PSAP: variants seen among roughly 807,000 people sequenced by gnomAD.
PSAP encodes the protein prosaposin.
In PSAP, 25 loss-of-function variants were observed where a neutral mutation model predicts 66.0. The observed-to-expected ratio is 0.38, with a 90% CI of 0.28 to 0.53. The LOEUF (loss-of-function observed/expected upper bound fraction) is 0.53, where lower values mean the gene tolerates loss of function less well. Among genes scored for constraint, PSAP ranks in the 20% least tolerant of loss-of-function variants. PSAP has a pLI of 0.83. For synonymous variants in PSAP, 273 were observed against 258.9 expected (o/e 1.05, Z -0.52); for missense variants, 649 against 668.8 (o/e 0.97, Z 0.33).
At chr10:71,850,348 C>A (rs375735833) in intron 1 of PSAP, among the ~76,000 whole-genome samples, 2 of 152,342 alleles carry the variant, frequency 1.3e-5, no homozygotes, top group South Asian at 2.1e-4. Context: ...TGAATACTTT[C>A]TTTCTATTGA....
chr10:71,851,031 G>T, intron 1 of PSAP, 151 bp downstream of exon 1: 1 of 925,148 alleles, frequency 1.1e-6, no homozygotes. Context: ...GAGAAAGCCA[G>T]AGAAAGCCAG....
intron 13 of PSAP, among the ~76,000 whole-genome samples, 184 bp downstream of exon 13, chr10:71,818,433 T>G (rs999105772): frequency 5.9e-5 from 9 of 151,644 alleles, no homozygotes; most frequent in African/African-American, 1.9e-4. Flanking sequence ...ACTACAAGAG[T>G]GTAGTTCACC....
At position 71,819,483 on chromosome 10, in the gene PSAP, T is replaced by C; in HGVS notation, c.1332A>G (p.Pro444=). ...GGCGTACCTGCTTCTGGTAAGGGTC[T>C]GGCAGGAAGCTGCAGCCTTTCTCAA... The part of the protein sequence containing the change: ...AALEKGCSFL[P]DPYQKQCDQF... The change falls in exon 11 of 14, where the codon CCA becomes CCG. Residue 444 remains proline (P), a synonymous_variant. Coordinates refer to ENST00000394936, the MANE Select transcript of PSAP (RefSeq NM_002778.4). The C allele has an allele frequency of 6.2e-7, 1 of 1,614,240 alleles. No homozygotes were observed. The highest frequency in any genetic ancestry group is 8.5e-7 in the Non-Finnish European group (1 of 1,180,050).
rs1842762741 is a variant in PSAP, at chr10:71,843,354, A to G, written c.40+7828T>C. Among the ~76,000 whole-genome samples the G allele has an allele frequency of 4.6e-5, 7 of 152,260 alleles. No individual in the cohort carries two copies. In the South Asian group the frequency reaches 1.5e-3, roughly 32 times the overall value. On this transcript the variant is annotated intron_variant, in intron 1 of 13. Coordinates refer to ENST00000394936, the MANE Select transcript of PSAP (RefSeq NM_002778.4). ...CACCAGGTGACAGGCGACCTTGCGG[A>G]CACACTTGAGTTTTATTCCTAGTGC...
At chr10:71,822,218 A>C (rs1410577679) in intron 7 of PSAP, 2 of 631,152 alleles carry the variant, frequency 3.2e-6, no homozygotes, top group Admixed American at 4.9e-5. Flanking sequence ...CATCTCGGGG[A>C]GGAGACCACA....
chr10:71,829,912 C>T (rs1842477399), intron 4 of PSAP, among the ~76,000 whole-genome samples: 1 of 152,062 alleles, frequency 6.6e-6, no homozygotes, highest in South Asian at 2.1e-4. Context: ...ATGGGAGAAT[C>T]ACTTGAACCC....
chr10:71,846,984 A>G (rs1842836024), intron 1 of PSAP, among the ~76,000 whole-genome samples: 1 of 152,138 alleles, frequency 6.6e-6, no homozygotes, highest in South Asian at 2.1e-4. Context: ...ATGCCTCATT[A>G]GGTGCTGTTC....
chr10:71,843,211 A>G (rs190350212), intron 1 of PSAP, among the ~76,000 whole-genome samples: 34 of 152,154 alleles, frequency 2.2e-4, no homozygotes, highest in Non-Finnish European at 4.0e-4. Flanking sequence ...AGGGAGGAAG[A>G]TGTTCCAGAG....
At chr10:71,849,565 C>T (rs972099883) in intron 1 of PSAP, among the ~76,000 whole-genome samples, 1 of 152,024 alleles carries the variant, frequency 6.6e-6, no homozygotes, top group Non-Finnish European at 1.5e-5. Context: ...TACGCCATTG[C>T]ACCACTCCGG....
chr10:71,839,990 C>G (rs1274653894), intron 1 of PSAP, among the ~76,000 whole-genome samples: 1 of 152,134 alleles, frequency 6.6e-6, no homozygotes, highest in South Asian at 2.1e-4. Context: ...CCTGGCTTAC[C>G]CCAGTGAGGA....
At chr10:71,817,609 G>A in intron 13 of PSAP, 133 bp from the exon 14 acceptor site, 1 of 852,984 alleles carries the variant, frequency 1.2e-6, no homozygotes, top group South Asian at 1.3e-5. Context: ...ACCAGATGCT[G>A]AAGACCCAGG....
At chr10:71,851,132 A>T in intron 1 of PSAP, 50 bp downstream of exon 1, 4 of 1,546,642 alleles carry the variant, frequency 2.6e-6, no homozygotes, top group Non-Finnish European at 3.5e-6. Flanking sequence ...TCTGGGGCAG[A>T]TGGACGCTGC....
Position 71,828,089 on chromosome 10 carries a change from G to A in PSAP, c.645C>T (p.Asn215=). The change falls in exon 6 of 14, where the codon AAC becomes AAT. Residue 215 remains asparagine (N), a synonymous_variant. Coordinates refer to ENST00000394936, the MANE Select transcript of PSAP (RefSeq NM_002778.4). ...VTDIQTAVRT[N]STFVQALVEH... The stretch of plus-strand genomic sequence containing the variant: ...CCACCAAGGCCTGGACAAAGGTGGA[G>A]TTGGTCCGTACAGCAGTCTGGATGT... 6.2e-7 allele frequency: 1 copy of A among 1,614,202 alleles called. No homozygotes were observed. The highest frequency in any genetic ancestry group is 8.5e-7 in the Non-Finnish European group (1 of 1,180,040).
At chr10:71,847,653 A>G (rs1444970013) in intron 1 of PSAP, among the ~76,000 whole-genome samples, 2 of 152,070 alleles carry the variant, frequency 1.3e-5, no homozygotes, top group East Asian at 3.8e-4. Flanking sequence ...GCTCCAAAAA[A>G]AAAAAAAAGA....
chr10:71,845,464 A>T (rs1411161680), intron 1 of PSAP, among the ~76,000 whole-genome samples: 4 of 152,170 alleles, frequency 2.6e-5, no homozygotes, highest in African/African-American at 9.7e-5. Flanking sequence ...AGTCAGTAGA[A>T]TATACTACTA....
At chr10:71,847,211 T>C (rs1028355754) in intron 1 of PSAP, among the ~76,000 whole-genome samples, 2 of 152,060 alleles carry the variant, frequency 1.3e-5, no homozygotes, top group Admixed American at 6.6e-5. Flanking sequence ...TCCCAGCACT[T>C]TGGGAGGCCG....
intron 4 of PSAP, among the ~76,000 whole-genome samples, chr10:71,830,293 C>T (rs1406143284): frequency 6.6e-6 from 1 of 152,234 alleles, no homozygotes; most frequent in Admixed American, 6.5e-5. Context: ...ACATCCCCCT[C>T]ATGAGCAAGT....
At chr10:71,818,577 G>C in intron 13 of PSAP, 40 bp downstream of exon 13, 1 of 1,553,570 alleles carries the variant, frequency 6.4e-7, no homozygotes, top group Non-Finnish European at 8.9e-7. Flanking sequence ...GCTACCCCAG[G>C]GCAAGACAGG....
At chr10:71,829,515 G>T (rs1292683289) in intron 4 of PSAP, among the ~76,000 whole-genome samples, 3 of 152,200 alleles carry the variant, frequency 2.0e-5, no homozygotes, top group Non-Finnish European at 4.4e-5. Flanking sequence ...CATGTAAGAT[G>T]TGGCTTTGCT....
Sources: gnomAD v4.1 joint callset for allele counts (sites outside exome capture counted in the v4.1 genomes callset) on GRCh38, gnomAD v4.1.1 for gene constraint, MANE v1.5 for transcripts, NCBI Gene and HGNC (gene_info 2026-07-23, HGNC 2026-07-21) for gene names.